The following POLG variants were observed in gnomAD, a reference collection of about 807,000 sequenced individuals.
The protein encoded by POLG is DNA polymerase subunit gamma-1.
Under a neutral mutation model 155.4 loss-of-function variants are expected in POLG, and 110 were observed. The ratio of observed to expected loss-of-function variants is 0.71; its 90% CI spans 0.61 to 0.83. The LOEUF is 0.83. Among genes scored for constraint, POLG ranks in the 40% least tolerant of loss-of-function variants. The probability of loss-of-function intolerance (pLI) is 0.00; values close to 1 mark genes in which losing one functional copy is unlikely to be tolerated. For missense variants in POLG, 1,685 were observed against 1,627.5 expected (o/e 1.04, Z -0.61); for synonymous variants, 701 against 631.5 (o/e 1.11, Z -1.65).
At chr15:89,323,271 G>A (rs2055424431) in intron 13 of POLG, 133 bp downstream of exon 13, 3 of 705,698 alleles carry the variant, frequency 4.3e-6, no homozygotes, top group Non-Finnish European at 7.8e-6. Flanking sequence ...GTATGTGCCT[G>A]AAATCACACT....
At chr15:89,331,467 A>G (rs2055593262) in intron 2 of POLG, among the ~76,000 whole-genome samples, 2 of 152,270 alleles carry the variant, frequency 1.3e-5, no homozygotes, top group Admixed American at 6.5e-5. Context: ...AAGCCATATT[A>G]TAAACTAGTG....
Position 89,333,888 on chromosome 15 carries a change from A to C in POLG, c.-134T>G. 9.4e-7 allele frequency: 1 copy of C among 1,065,768 alleles called. No homozygotes were observed. Among genetic ancestry groups the C allele is most frequent in the Middle Eastern group, 2.5e-4 (1 of 3,978 alleles). The allele number at this position is 1,065,768 out of a possible 1,614,324, so 66.0% of individuals were successfully genotyped here. A position where few individuals can be genotyped will look rare whatever the true frequency, so the allele number is the denominator to read the frequency against. On this transcript the variant is annotated 5_prime_UTR_variant, in exon 2 of 23. Coordinates refer to ENST00000268124, the MANE Select transcript of POLG (RefSeq NM_002693.3). The stretch of plus-strand genomic sequence containing the variant: ...CTCTCCTGTCAGTGAAATGGGTTTG[A>C]CCATGCCTGCCTTCCACCCCAAATC...
intron 10 of POLG, among the ~76,000 whole-genome samples, chr15:89,324,524 G>C (rs2055444244): frequency 6.6e-6 from 1 of 152,222 alleles, no homozygotes; most frequent in East Asian, 1.9e-4. Flanking sequence ...GGGAGGACAG[G>C]ACCCAAGGCC....
At chr15:89,334,512 C>G (rs1178049498) in intron 1 of POLG, 161 bp downstream of exon 1, 1 of 152,114 alleles carries the variant, frequency 6.6e-6, no homozygotes, top group Non-Finnish European at 1.5e-5. Flanking sequence ...TCGGCGGCCA[C>G]CCCCGTGCGC....
chr15:89,317,194 T>A (rs963971744), intron 22 of POLG, 182 bp downstream of exon 22: 3 of 637,248 alleles, frequency 4.7e-6, no homozygotes, highest in African/African-American at 3.7e-5. Context: ...CTGCCTTCAT[T>A]TCTGAAACAT....
intron 1 of POLG, 140 bp from the exon 2 acceptor site, chr15:89,334,053 C>T (rs574973074): frequency 8.3e-6 from 4 of 480,624 alleles, no homozygotes; most frequent in South Asian, 6.8e-5. Flanking sequence ...AGCCTCAAAA[C>T]TTGGGAAACG....
chr15:89,326,569 A>C lies in POLG; in HGVS notation c.1712+43T>G, dbSNP rs770327181. 36 of 1,608,166 alleles carry C rather than the reference A, an allele frequency of 2.2e-5. No homozygotes were observed. The South Asian group carries it at 3.6e-4, about 16-fold the overall frequency. On this transcript the variant is annotated intron_variant, in intron 9 of 22. Transcript: ENST00000268124. Reference sequence around the variant, plus strand: ...CCAGGGCTGTCCTGAGAATGGAGCAAGGGTAGACTCTAGATACACTGCTGG... The same window carrying C: ...CCAGGGCTGTCCTGAGAATGGAGCACGGGTAGACTCTAGATACACTGCTGG...
intron 21 of POLG, among the ~76,000 whole-genome samples, chr15:89,318,338 C>T (rs2055336348): frequency 6.7e-6 from 1 of 149,642 alleles, no homozygotes; most frequent in Non-Finnish European, 1.5e-5. Context: ...ATTTTCAAAC[C>T]CAATAACTCT....
In POLG at chr15:89,328,720, T is replaced by C; in HGVS notation, c.1135A>G (p.Lys379Glu). The change falls in exon 5 of 23, where the codon AAG (lysine) becomes GAG (glutamate). Residue 379 changes from lysine (K) to glutamate (E), a missense_variant. Around this residue, in one of 3 missense-constraint regions of POLG, gnomAD observed 1,210 missense variants for 1,167.1 expected, o/e 1.04. Coordinates refer to ENST00000268124, the MANE Select transcript of POLG (RefSeq NM_002693.3). The stretch of plus-strand genomic sequence containing the variant: ...TCACGAATGTCCTTCATGGTGCCCT[T>C]CACAAACAGTTCTCGAGGCTCCTTC... ...LEKEPRELFV[K>E]GTMKDIRENF... 6.2e-7 allele frequency: 1 copy of C among 1,614,126 alleles called. No individual in the cohort carries two copies. The highest frequency in any genetic ancestry group is 2.2e-5 in the East Asian group (1 of 44,868).
chr15:89,330,166 G>T lies in POLG; in HGVS notation c.770C>A (p.Thr257Asn), dbSNP rs1378376979. ...LEVPTGASSP[T>N]QRDWQEQLVV... ...TAACTGCTCCTGCCAGTCTCTCTGG[G>T]TGGGGCTGCTGGCACCAGTAGGGAC... is the stretch of plus-strand genomic sequence containing the variant. Residue 257 changes from threonine (T) to asparagine (N), a missense_variant, in exon 3 of 23, where the codon ACC becomes AAC. Around this residue, in one of 3 missense-constraint regions of POLG, gnomAD observed 1,210 missense variants for 1,167.1 expected, o/e 1.04. Transcript: ENST00000268124. The T allele has an allele frequency of 1.2e-6, 2 of 1,613,982 alleles. No individual in the cohort carries two copies. The highest frequency in any genetic ancestry group is 4.5e-5 in the East Asian group (2 of 44,894).
At chr15:89,321,693 T>C in intron 16 of POLG, 43 bp downstream of exon 16, 2 of 1,409,372 alleles carry the variant, frequency 1.4e-6, no homozygotes, top group Non-Finnish European at 2.0e-6. Context: ...TCTACAGACC[T>C]GGGAGAGGAA....
At chr15:89,325,756 T>C in intron 9 of POLG, 70 bp from the exon 10 acceptor site, 3 of 1,211,152 alleles carry the variant, frequency 2.5e-6, no homozygotes, top group Non-Finnish European at 3.6e-6. Flanking sequence ...GTTCTCTCTC[T>C]CACAATGTCC....
chr15:89,317,699 TTCCATCC>T, intron 21 of POLG, 163 bp from the exon 22 acceptor site: 1 of 708,748 alleles, frequency 1.4e-6, no homozygotes, highest in Admixed American at 2.1e-5. Context: ...CAGCACTGTT[TTCCATCC>T]AGCAGCCTAA....
rs780610267 is a variant in POLG, at chr15:89,333,160, C to T, written c.595G>A (p.Val199Met). 1.3e-6 allele frequency: 2 copies of T among 1,548,102 alleles called. No homozygotes were observed. Among genetic ancestry groups the T allele is most frequent in the East Asian group, 2.3e-5 (1 of 44,070 alleles). Residue 199 changes from valine (V) to methionine (M), a missense_variant, in exon 2 of 23, where the codon GTG becomes ATG. By Grantham distance (21) the Val-to-Met change is conservative. This residue lies in a region of POLG where 1,210 missense variants were observed against 1,167.1 expected (regional missense o/e 1.04). Transcript: ENST00000268124. ...GTTCCCTCTGCCAAGCAGACCTCCA[C>T]GTCGAACACCAGGGCCCGCTCCTCG... ...IPEERALVFD[V>M]EVCLAEGTCP... is the part of the protein sequence containing the mutation.
intron 21 of POLG, chr15:89,317,802 T>C: frequency 2.0e-6 from 1 of 492,726 alleles, no homozygotes; most frequent in South Asian, 2.1e-5. Context: ...TTAATTAATA[T>C]ACGAAATCAC....
chr15:89,332,085 C>A (rs1004056524), intron 2 of POLG: 1 of 152,218 alleles, frequency 6.6e-6, no homozygotes, highest in African/African-American at 2.4e-5. Flanking sequence ...TTTATCTTTT[C>A]AAATGATGGC....
rs921815448 is a variant in POLG, at chr15:89,320,954, T to C, written c.2793A>G (p.Leu931=). ...CCACAGTAGTGGCTGTCTTACTGTG[T>C]AGATCAGTGCCCCTGCTCTTCCTGC... The part of the protein sequence containing the change: ...LQGRKSRGTD[L]HSKTATTVGI... The change falls in exon 18 of 23, where the codon CTA becomes CTG. Residue 931 remains leucine (L), a synonymous_variant. Transcript: ENST00000268124. 2.5e-6 allele frequency: 4 copies of C among 1,613,908 alleles called. No individual in the cohort carries two copies. The highest frequency in any genetic ancestry group is 1.3e-5 in the African/African-American group (1 of 74,936).
chr15:89,326,535 G>A, intron 9 of POLG, 77 bp downstream of exon 9: 7 of 1,515,382 alleles, frequency 4.6e-6, no homozygotes, highest in Non-Finnish European at 6.3e-6. Context: ...CTCTGTGCCA[G>A]AACCCAGACC....
In POLG at chr15:89,325,137, AGT is replaced by A. The variant is rs1336799433; in HGVS notation, c.1949+311_1949+312del. ...GAGTGAGTGAGTGAGTGAGAGAGTGAGTGAGAGAGTGAGTGAGTGAGTGAGTG... is the reference window on the plus strand; with the variant it reads ...GAGTGAGTGAGTGAGTGAGAGAGTGAGAGAGAGTGAGTGAGTGAGTGAGTG... On this transcript the variant is annotated intron_variant, in intron 10 of 22. Coordinates refer to ENST00000268124, the MANE Select transcript of POLG (RefSeq NM_002693.3). 2.2e-3 allele frequency among the ~76,000 whole-genome samples: 159 copies of A among 73,118 alleles called. 25 individuals are homozygous for A. The highest frequency in any genetic ancestry group is 7.3e-3 in the Admixed American group (53 of 7,276). The allele number at this position is 73,118 out of a possible 152,430, so 48.0% of individuals were successfully genotyped here.
Sources: gnomAD v4.1 joint callset for allele counts (sites outside exome capture counted in the v4.1 genomes callset) on GRCh38, gnomAD v4.1.1 for gene constraint, gnomAD v4.1.1 regional missense constraint, MANE v1.5 for transcripts, NCBI Gene and HGNC (gene_info 2026-07-23, HGNC 2026-07-21) for gene names.